The following FUT8 variants were observed in gnomAD, a reference collection of about 807,000 sequenced individuals.
FUT8 encodes fucosyltransferase 8, also known as alpha-(1,6)-fucosyltransferase.
Under a neutral mutation model 71.3 loss-of-function variants are expected in FUT8, and 29 were observed. The observed-to-expected ratio is 0.41, with a 90% CI of 0.30 to 0.55. The LOEUF is 0.55. FUT8 is among the 20% of genes least tolerant of loss of function. FUT8 has a pLI of 0.34. For missense variants in FUT8, 544 were observed against 702.1 expected, an observed-to-expected ratio of 0.77 and a Z score of 2.55; for synonymous variants, 254 against 239.3, an observed-to-expected ratio of 1.06 and a Z score of -0.57.
intron 5 of FUT8, among the ~76,000 whole-genome samples, chr14:65,619,828 A>G (rs1889504885): frequency 6.6e-6 from 1 of 152,220 alleles, no homozygotes; most frequent in African/African-American, 2.4e-5. Flanking sequence ...AGCTTTTGAT[A>G]TCATTGATCA....
Position 65,629,503 on chromosome 14 carries a change from C to T in FUT8, c.494C>T (p.Thr165Met), listed in dbSNP as rs563916863. ...DLGHHERSIM[T>M]DLYYLSQTDG... is the part of the protein sequence containing the mutation. Reference sequence around the variant, plus strand: ...GTTTGTTTTAACAGGTCTATAATGACGGATCTATACTACCTCAGTCAGACA... The same window carrying T: ...GTTTGTTTTAACAGGTCTATAATGATGGATCTATACTACCTCAGTCAGACA... The change falls in exon 6 of 11, where the codon ACG (threonine) becomes ATG (methionine). Residue 165 changes from threonine to methionine, a missense_variant. By Grantham distance (81) the Thr-to-Met change is moderately conservative. Transcript: ENST00000673929. 139 of 1,612,180 alleles carry T rather than the reference C, an allele frequency of 8.6e-5. 5 individuals are homozygous for T. The South Asian group carries it at 1.4e-3, about 16-fold the overall frequency.
the FUT8 span, among the ~76,000 whole-genome samples, chr14:65,405,223 T>A: frequency 6.6e-6 from 1 of 152,190 alleles, no homozygotes; most frequent in African/African-American, 2.4e-5. Flanking sequence ...TGCACAATAT[T>A]TCTGCTTAGA....
At chr14:65,581,895 A>G (rs1356604615) in intron 3 of FUT8, among the ~76,000 whole-genome samples, 1 of 152,174 alleles carries the variant, frequency 6.6e-6, no homozygotes, top group Non-Finnish European at 1.5e-5. Context: ...GCATATTCAC[A>G]TATAAATTGT....
chr14:65,611,978 C>A (rs563503521), intron 3 of FUT8, among the ~76,000 whole-genome samples: 2 of 152,258 alleles, frequency 1.3e-5, no homozygotes, highest in South Asian at 4.1e-4. Flanking sequence ...ATTTTAACAT[C>A]TTTTTTATAT....
At chr14:65,361,455 TA>T in the FUT8 span, among the ~76,000 whole-genome samples, 1 of 148,446 alleles carries the variant, frequency 6.7e-6, no homozygotes, top group Non-Finnish European at 1.5e-5. Context: ...GTAAGGGCAC[TA>T]ACCTTACTGA....
At chr14:65,561,826 G>C (rs1885930692) in intron 3 of FUT8, 60 bp downstream of exon 3, 4 of 1,363,762 alleles carry the variant, frequency 2.9e-6, no homozygotes, top group Non-Finnish European at 3.1e-6. Flanking sequence ...TTTAGGTGTA[G>C]GGCTTCATTC....
chr14:65,583,353 T>G (rs1887190941), intron 3 of FUT8, among the ~76,000 whole-genome samples: 1 of 152,158 alleles, frequency 6.6e-6, no homozygotes, highest in Admixed American at 6.5e-5. Context: ...GGCAAATTTT[T>G]GGGTTTCATT....
the FUT8 span, among the ~76,000 whole-genome samples, chr14:65,368,955 C>T: frequency 1.1e-4 from 16 of 152,206 alleles, no homozygotes; most frequent in Non-Finnish European, 1.9e-4. Flanking sequence ...CCACCATGCC[C>T]GGCTGCAAAA....
chr14:65,437,742 C>G (rs545710666), intron 1 of FUT8, among the ~76,000 whole-genome samples: 1 of 152,088 alleles, frequency 6.6e-6, no homozygotes, highest in East Asian at 1.9e-4. Context: ...CAATAAAATC[C>G]TTAAAACAGC....
chr14:65,559,456 A>T (rs946197087), intron 2 of FUT8, among the ~76,000 whole-genome samples: 1 of 152,122 alleles, frequency 6.6e-6, no homozygotes, highest in African/African-American at 2.4e-5. Context: ...TGTAAATACT[A>T]TGCCATTTTA....
At chr14:65,452,631 C>T (rs1162410231) in intron 1 of FUT8, among the ~76,000 whole-genome samples, 1 of 152,166 alleles carries the variant, frequency 6.6e-6, no homozygotes, top group Non-Finnish European at 1.5e-5. Flanking sequence ...GTAGAAATTG[C>T]TTTCAATAAT....
the FUT8 span, among the ~76,000 whole-genome samples, chr14:65,363,364 A>G: frequency 2.0e-5 from 3 of 151,690 alleles, no homozygotes; most frequent in East Asian, 5.8e-4. Flanking sequence ...CAGGTGATCC[A>G]CTGGCCTCGG....
At chr14:65,580,389 C>T (rs999654346) in intron 3 of FUT8, among the ~76,000 whole-genome samples, 11 of 151,200 alleles carry the variant, frequency 7.3e-5, no homozygotes, top group African/African-American at 2.4e-4. Context: ...GTTATATATG[C>T]GGTCCATTGT....
chr14:65,536,038 C>G (rs997144373), intron 2 of FUT8, among the ~76,000 whole-genome samples: 6 of 152,032 alleles, frequency 3.9e-5, no homozygotes, highest in African/African-American at 1.4e-4. Context: ...ATGTCATGCC[C>G]TTTTTTGTCT....
intron 1 of FUT8, among the ~76,000 whole-genome samples, chr14:65,453,815 C>T (rs2065860940): frequency 6.6e-6 from 1 of 152,084 alleles, no homozygotes; most frequent in East Asian, 1.9e-4. Context: ...ATATCTGTAG[C>T]TTTTTTCTGC....
intron 2 of FUT8, among the ~76,000 whole-genome samples, chr14:65,544,926 G>GCCCTCTTTTCCTCCCTGTCTTA (rs1884898807): frequency 6.6e-6 from 1 of 151,450 alleles, no homozygotes; most frequent in Non-Finnish European, 1.5e-5. Context: ...GTCCTGCTCT[G>GCCCTCTTTTCCTCCCTGTCTTA]CCCTCTTTTC....
intron 2 of FUT8, among the ~76,000 whole-genome samples, chr14:65,465,043 A>C (rs2066022733): frequency 6.6e-6 from 1 of 152,066 alleles, no homozygotes; most frequent in African/African-American, 2.4e-5. Context: ...TTCTTGTGTG[A>C]ATTTTGGTAG....
chr14:65,742,448 G>A lies in FUT8; in HGVS notation c.*38G>A, dbSNP rs199509807. On this transcript the variant is annotated 3_prime_UTR_variant, in exon 11 of 11. Transcript: ENST00000673929. ...AGAGATAAACGACCAAACTCAGTTCGACCAAACTCAGTTCAAACCATTTCA... is the reference window on the plus strand; with the variant it reads ...AGAGATAAACGACCAAACTCAGTTCAACCAAACTCAGTTCAAACCATTTCA... 2,736 of 1,570,340 alleles carry A rather than the reference G, an allele frequency of 1.7e-3. 4 individuals carry two copies. Among genetic ancestry groups the A allele is most frequent in the Non-Finnish European group, 2.1e-3 (2,448 of 1,152,650 alleles).
At chr14:65,493,254 T>A (rs957019688) in intron 2 of FUT8, among the ~76,000 whole-genome samples, 1 of 152,190 alleles carries the variant, frequency 6.6e-6, no homozygotes, top group Non-Finnish European at 1.5e-5. Flanking sequence ...AATCCCAGAC[T>A]TAGCTTGACG....
Sources: allele counts gnomAD v4.1 joint callset (sites outside exome capture counted in the v4.1 genomes callset), GRCh38; gene constraint gnomAD v4.1.1; transcripts MANE v1.5; gene names NCBI Gene and HGNC (gene_info 2026-07-23, HGNC 2026-07-21).